Variants in ELL observed in about 807,000 individuals in gnomAD.
ELL encodes elongation factor for RNA polymerase II, also known as RNA polymerase II elongation factor ELL.
ELL carries 18 observed loss-of-function variants against 64.0 expected under a neutral mutation model. The observed-to-expected ratio is 0.28, with a 90% confidence interval of 0.19 to 0.42. The LOEUF is 0.42. ELL is among the 10% of genes least tolerant of loss of function. The probability of loss-of-function intolerance (pLI) is 1.00; values close to 1 mark genes in which losing one functional copy is unlikely to be tolerated. For synonymous variants in ELL, 399 were observed against 376.2 expected (o/e 1.06, Z -0.70); for missense variants, 797 against 870.4 (o/e 0.92, Z 1.06).
At chr19:18,497,691 C>A (rs1180554768) in intron 1 of ELL, among the ~76,000 whole-genome samples, 2 of 151,776 alleles carry the variant, frequency 1.3e-5, no homozygotes, top group African/African-American at 4.8e-5. Flanking sequence ...GTGGCATACA[C>A]CTGTGGTCCC....
intron 1 of ELL, among the ~76,000 whole-genome samples, chr19:18,483,648 A>G (rs753077922): frequency 5.9e-5 from 9 of 152,210 alleles, no homozygotes; most frequent in Non-Finnish European, 8.8e-5. Context: ...CCAACCTCAC[A>G]GGAAAACTGA....
rs530097645 is a variant in ELL at position 18,448,523 on chromosome 19, G to C, written c.1466-1709C>G. ...CAACTCAATGGGCATGTATTGAATG[G>C]GTCTGACCCTGGTCCGGGCCAGAAG... On this transcript the variant is annotated intron_variant, in intron 8 of 11. Coordinates refer to ENST00000262809, the MANE Select transcript of ELL (RefSeq NM_006532.4). 3 of 152,406 alleles carry C rather than the reference G, an allele frequency of 2.0e-5. No individual in the cohort carries two copies. In the East Asian group the frequency reaches 5.8e-4, roughly 29 times the overall value. The allele number at this position is 152,406 out of a possible 1,614,324, so 9.4% of individuals were successfully genotyped here. A position where few individuals can be genotyped will look rare whatever the true frequency, so the allele number is the denominator to read the frequency against.
intron 6 of ELL, among the ~76,000 whole-genome samples, chr19:18,454,659 G>GTTT (rs1367564358): frequency 1.3e-5 from 2 of 150,876 alleles, no homozygotes; most frequent in Non-Finnish European, 1.5e-5. Flanking sequence ...TGGCCTGCAT[G>GTTT]GTGAAACCCT....
chr19:18,519,223 C>A (rs1338710686), intron 1 of ELL, among the ~76,000 whole-genome samples: 1 of 150,370 alleles, frequency 6.7e-6, no homozygotes, highest in African/African-American at 2.5e-5. Context: ...CAGAGCAAGA[C>A]TCCGTCTCAA....
rs773522776 is a variant in ELL, at chr19:18,450,636, G to C, written c.1306C>G (p.Pro436Ala). Reference protein sequence around the residue: ...GLPLLTDCAQPSRPHGSPSRS... With the variant: ...GLPLLTDCAQASRPHGSPSRS... ...GAGGGGCTGCCGTGTGGCCTGCTGGGCTGGGCACAGTCCGTCAGCAGGGGC... is the reference window on the plus strand; with the variant it reads ...GAGGGGCTGCCGTGTGGCCTGCTGGCCTGGGCACAGTCCGTCAGCAGGGGC... The change falls in exon 8 of 12, where the codon CCC becomes GCC. Residue 436 changes from proline to alanine, a missense_variant. Pro to Ala is a conservative substitution (Grantham distance 27). Transcript: ENST00000262809. 29 of 1,606,424 alleles carry C rather than the reference G, an allele frequency of 1.8e-5. No homozygotes were observed. Among genetic ancestry groups the C allele is most frequent in the Non-Finnish European group, 2.4e-5 (28 of 1,177,136 alleles).
chr19:18,470,986 A>G (rs1365225463), intron 2 of ELL: 6 of 456,508 alleles, frequency 1.3e-5, no homozygotes, highest in Admixed American at 1.2e-4. Context: ...CTGGAAGCCC[A>G]TGGATCATCA....
chr19:18,479,658 G>A (rs910016432), intron 1 of ELL, among the ~76,000 whole-genome samples: 2 of 136,724 alleles, frequency 1.5e-5, no homozygotes, highest in African/African-American at 5.9e-5. Flanking sequence ...GCAGTGAGCT[G>A]AGATCAAGCC....
intron 1 of ELL, among the ~76,000 whole-genome samples, chr19:18,483,311 G>C (rs749255855): frequency 6.6e-6 from 1 of 152,176 alleles, no homozygotes; most frequent in African/African-American, 2.4e-5. Flanking sequence ...GGCAGTTGCA[G>C]TGCAGGGTTT....
chr19:18,507,688 GA>G (rs1975912778), intron 1 of ELL, among the ~76,000 whole-genome samples: 2 of 152,228 alleles, frequency 1.3e-5, no homozygotes, highest in Admixed American at 6.5e-5. Flanking sequence ...TCTTACTGGA[GA>G]AACACTCCTG....
intron 1 of ELL, among the ~76,000 whole-genome samples, chr19:18,521,246 A>C (rs1600517605): frequency 6.6e-6 from 1 of 152,066 alleles, no homozygotes; most frequent in African/African-American, 2.4e-5. Context: ...AGAGAGGGTC[A>C]CCTGGGGGTA....
chr19:18,477,258 A>T (rs1023025504), intron 1 of ELL, among the ~76,000 whole-genome samples: 1 of 152,206 alleles, frequency 6.6e-6, no homozygotes, highest in Non-Finnish European at 1.5e-5. Flanking sequence ...ACCACAGAAG[A>T]AAAGGGCAGC....
At chr19:18,514,513 CA>C (rs557236460) in intron 1 of ELL, among the ~76,000 whole-genome samples, 3,376 of 39,326 alleles carry the variant, frequency 0.086, 16 homozygotes, top group African/African-American at 0.14. Flanking sequence ...GACTCCATCT[CA>C]AAAAAAAAAA....
intron 1 of ELL, among the ~76,000 whole-genome samples, chr19:18,490,970 G>C (rs571598849): frequency 6.6e-6 from 1 of 152,212 alleles, no homozygotes; most frequent in Non-Finnish European, 1.5e-5. Flanking sequence ...AGGATGGCTA[G>C]CATCACACAT....
At chr19:18,461,133 G>A (rs777755409) in intron 5 of ELL, among the ~76,000 whole-genome samples, 1 of 152,226 alleles carries the variant, frequency 6.6e-6, no homozygotes, top group Admixed American at 6.5e-5. Flanking sequence ...GGTCTGAGAC[G>A]TGAAGCCCCT....
intron 1 of ELL, among the ~76,000 whole-genome samples, chr19:18,476,240 G>A (rs1271911579): frequency 6.6e-6 from 1 of 152,262 alleles, no homozygotes; most frequent in Non-Finnish European, 1.5e-5. Flanking sequence ...AACCTCTGCA[G>A]AGGGGTCGGC....
intron 2 of ELL, chr19:18,471,402 G>A: frequency 4.6e-6 from 2 of 439,052 alleles, no homozygotes; most frequent in South Asian, 1.6e-5. Flanking sequence ...GGGCGTGGTG[G>A]CTCACCTGTA....
At chr19:18,502,666 G>C (rs1255093484) in intron 1 of ELL, among the ~76,000 whole-genome samples, 1 of 152,238 alleles carries the variant, frequency 6.6e-6, no homozygotes, top group African/African-American at 2.4e-5. Flanking sequence ...TTAAATGAGA[G>C]AGAGGGCCCA....
intron 1 of ELL, among the ~76,000 whole-genome samples, chr19:18,482,625 T>C (rs1975325657): frequency 6.6e-6 from 1 of 152,152 alleles, no homozygotes; most frequent in African/African-American, 2.4e-5. Flanking sequence ...CCACTGCGCC[T>C]GGACTGCCTT....
intron 1 of ELL, among the ~76,000 whole-genome samples, chr19:18,520,319 G>A (rs1976236101): frequency 6.6e-6 from 1 of 152,096 alleles, no homozygotes; most frequent in African/African-American, 2.4e-5. Context: ...AGTCAGAATC[G>A]CTCAGGGAAA....
Sources: allele counts gnomAD v4.1 joint callset (sites outside exome capture counted in the v4.1 genomes callset), GRCh38; gene constraint gnomAD v4.1.1; transcripts MANE v1.5; gene names NCBI Gene and HGNC (gene_info 2026-07-23, HGNC 2026-07-21).